The following BLOC1S5 variants were observed in gnomAD, a reference collection of about 807,000 sequenced individuals.
BLOC1S5 encodes the protein biogenesis of lysosomal organelles complex 1 subunit 5, also known as biogenesis of lysosome-related organelles complex 1 subunit 5.
BLOC1S5 carries 27 observed loss-of-function variants against 24.3 expected under a neutral mutation model. That is an observed-to-expected ratio of 1.11 (90% confidence interval 0.82 to 1.53). The LOEUF is 1.53. Among genes scored for constraint, BLOC1S5 ranks in the 40% most tolerant of loss-of-function variants. The pLI, the probability that BLOC1S5 is intolerant of heterozygous loss-of-function variation, is 0.00. For missense variants in BLOC1S5, 239 were observed against 229.4 expected, an observed-to-expected ratio of 1.04 and a Z score of -0.27; for synonymous variants, 84 against 74.5, an observed-to-expected ratio of 1.13 and a Z score of -0.66.
intron 3 of BLOC1S5, among the ~76,000 whole-genome samples, chr6:8,032,451 TA>T (rs752543023): frequency 1.2e-4 from 18 of 151,428 alleles, no homozygotes; most frequent in African/African-American, 3.9e-4. Context: ...TTAAAAAATT[TA>T]AAAAAAAATT....
intron 2 of BLOC1S5, among the ~76,000 whole-genome samples, chr6:8,059,686 A>G (rs1361249038): frequency 6.6e-6 from 1 of 152,260 alleles, no homozygotes; most frequent in Non-Finnish European, 1.5e-5. Flanking sequence ...GATGAGAGTT[A>G]TAACAGACAG....
Position 8,026,394 on chromosome 6 carries a change from G to C in BLOC1S5, c.357C>G (p.Leu119=), listed in dbSNP as rs1276817167. ...LQAANDSVCR[L]QQREQERKKI... ...TTTTTCGTTCCTGTTCCCTCTGTTG[G>C]AGTCTACAGACTGAGTCATTAGCTG... The change falls in exon 4 of 5, where the codon CTC becomes CTG. Residue 119 remains leucine, a synonymous_variant. Transcript: ENST00000397457. 1 of 1,613,166 alleles carries C rather than the reference G, an allele frequency of 6.2e-7. No homozygotes were observed. Among genetic ancestry groups the C allele is most frequent in the Admixed American group, 1.7e-5 (1 of 59,996 alleles).
chr6:8,061,319 G>A (rs907721956), intron 2 of BLOC1S5, among the ~76,000 whole-genome samples: 7 of 151,890 alleles, frequency 4.6e-5, no homozygotes, highest in African/African-American at 7.3e-5. Flanking sequence ...ATGACGATGT[G>A]GTATAATCAG....
At position 8,017,385 on chromosome 6, in the gene BLOC1S5, A is replaced by AACACACACACAC. The variant is rs59166291; in HGVS notation, c.385-1569_385-1558dup. On this transcript the variant is annotated intron_variant, in intron 4 of 4. Coordinates refer to ENST00000397457, the MANE Select transcript of BLOC1S5 (RefSeq NM_201280.3). ...AGAGCGAGACTCCGTCTCAAAAACA[A>AACACACACACAC]ACACACACACACACACACACACCTA... Among the ~76,000 whole-genome samples the AACACACACACAC allele has an allele frequency of 2.1e-3, 310 of 149,622 alleles. 1 individual carries two copies. The highest frequency in any genetic ancestry group is 5.1e-3 in the East Asian group (26 of 5,060).
At chr6:8,042,263 C>T (rs1763718873) in intron 2 of BLOC1S5, among the ~76,000 whole-genome samples, 1 of 152,160 alleles carries the variant, frequency 6.6e-6, no homozygotes, top group African/African-American at 2.4e-5. Flanking sequence ...TATCATATAG[C>T]TTCTGTTATT....
At chr6:8,046,191 G>C (rs1008590093) in intron 2 of BLOC1S5, among the ~76,000 whole-genome samples, 19 of 152,154 alleles carry the variant, frequency 1.2e-4, no homozygotes, top group Non-Finnish European at 2.1e-4. Context: ...GCTTATCAGG[G>C]GTTTCTGCTT....
chr6:8,057,376 GCACTTATCA>G (rs1764352560), intron 2 of BLOC1S5, among the ~76,000 whole-genome samples: 1 of 152,052 alleles, frequency 6.6e-6, no homozygotes, highest in Non-Finnish European at 1.5e-5. Context: ...GTAACTGTTC[GCACTTATCA>G]CACAAGGAAG....
intron 2 of BLOC1S5, among the ~76,000 whole-genome samples, chr6:8,044,880 G>A (rs9505346): frequency 0.2 from 31,023 of 152,038 alleles, 3,465 homozygotes; most frequent in African/African-American, 0.28. Context: ...TAAGGTAAGC[G>A]GAGCATAAAA....
chr6:8,037,197 G>A (rs1181806292), intron 3 of BLOC1S5, among the ~76,000 whole-genome samples: 1 of 152,170 alleles, frequency 6.6e-6, no homozygotes, highest in African/African-American at 2.4e-5. Context: ...AGCTTTGTTT[G>A]CAGATCACAT....
intron 4 of BLOC1S5, among the ~76,000 whole-genome samples, chr6:8,023,962 C>G (rs1045096032): frequency 1.3e-5 from 2 of 152,010 alleles, no homozygotes; most frequent in African/African-American, 4.8e-5. Context: ...AAAGACAGGA[C>G]TAAAAGTTTA....
chr6:8,049,371 C>CAAAA (rs386406082), intron 2 of BLOC1S5, among the ~76,000 whole-genome samples: 79 of 143,892 alleles, frequency 5.5e-4, no homozygotes, highest in African/African-American at 2.0e-3. Flanking sequence ...GACTTCGTCT[C>CAAAA]AAAAAAAAAA....
chr6:8,045,402 T>C (rs111440259), intron 2 of BLOC1S5, among the ~76,000 whole-genome samples: 2 of 152,126 alleles, frequency 1.3e-5, no homozygotes, highest in Admixed American at 6.5e-5. Context: ...GCTAGGGCAG[T>C]GCAGAAGGGA....
intron 3 of BLOC1S5, among the ~76,000 whole-genome samples, chr6:8,027,951 A>C (rs1446405111): frequency 1.3e-5 from 2 of 152,204 alleles, no homozygotes; most frequent in African/African-American, 4.8e-5. Context: ...TTTTGTTTCA[A>C]AAGCCCAGTT....
chr6:8,060,646 A>G (rs1286089948), intron 2 of BLOC1S5, among the ~76,000 whole-genome samples: 1 of 152,198 alleles, frequency 6.6e-6, no homozygotes, highest in African/African-American at 2.4e-5. Context: ...TATGTTTTAG[A>G]GGTAGATTTG....
intron 3 of BLOC1S5, among the ~76,000 whole-genome samples, chr6:8,031,514 G>C (rs902956227): frequency 2.0e-5 from 3 of 152,088 alleles, no homozygotes; most frequent in Non-Finnish European, 2.9e-5. Flanking sequence ...TGGATGGGTA[G>C]AATAAATATT....
intron 3 of BLOC1S5, among the ~76,000 whole-genome samples, chr6:8,036,732 C>G (rs1187244786): frequency 6.6e-6 from 1 of 152,038 alleles, no homozygotes; most frequent in African/African-American, 2.4e-5. Flanking sequence ...AAAGAGAAAA[C>G]TACAGGCAAT....
At chr6:8,057,592 A>G (rs1271410763) in intron 2 of BLOC1S5, among the ~76,000 whole-genome samples, 1 of 152,214 alleles carries the variant, frequency 6.6e-6, no homozygotes, top group Non-Finnish European at 1.5e-5. Flanking sequence ...CATACTTCTC[A>G]TGTGTTATAT....
chr6:8,035,171 A>T (rs1763443931), intron 3 of BLOC1S5, among the ~76,000 whole-genome samples: 1 of 152,108 alleles, frequency 6.6e-6, no homozygotes, highest in Non-Finnish European at 1.5e-5. Flanking sequence ...ATAATAATAC[A>T]GTGAACTTTG....
rs60853006 is a variant in BLOC1S5 at position 8,024,514 on chromosome 6, C to CAAAA, written c.384+1849_384+1852dup. Among the ~76,000 whole-genome samples the CAAAA allele has an allele frequency of 1.6e-3, 105 of 65,648 alleles. 3 individuals carry two copies. The highest frequency in any genetic ancestry group is 1.9e-3 in the Non-Finnish European group (66 of 35,506). 43.1% of individuals were successfully genotyped at this position (65,648 alleles called of 152,430 possible). On this transcript the variant is annotated intron_variant, in intron 4 of 4. Coordinates refer to ENST00000397457, the MANE Select transcript of BLOC1S5 (RefSeq NM_201280.3). Reference sequence around the variant, plus strand: ...TGGGTGACGGAGTGAGACTCCATCTCAAAAAAAAAAAAAAAAAAAAAGAAA... The same window carrying CAAAA: ...TGGGTGACGGAGTGAGACTCCATCTCAAAAAAAAAAAAAAAAAAAAAAAAAGAAA...
Sources: allele counts gnomAD v4.1 joint callset (sites outside exome capture counted in the v4.1 genomes callset), GRCh38; gene constraint gnomAD v4.1.1; transcripts MANE v1.5; gene names NCBI Gene and HGNC (gene_info 2026-07-23, HGNC 2026-07-21).